The following GRID2 variants were observed in gnomAD, a reference collection of about 807,000 sequenced individuals.
GRID2 encodes the protein glutamate receptor ionotropic, delta-2.
A neutral mutation model predicts 114.8 loss-of-function variants in GRID2; 33 were observed. The ratio of observed to expected loss-of-function variants is 0.29; its 90% confidence interval spans 0.22 to 0.38. The LOEUF is 0.38. Ranked by LOEUF, GRID2 falls within the 10% of genes least tolerant of loss-of-function variation. The probability of loss-of-function intolerance (pLI) is 1.00; values close to 1 mark genes in which losing one functional copy is unlikely to be tolerated. For synonymous variants in GRID2, 505 were observed against 449.9 expected (o/e 1.12, Z -1.55); for missense variants, 1,184 against 1,257.7 (o/e 0.94, Z 0.89).
intron 14 of GRID2, among the ~76,000 whole-genome samples, chr4:93,727,708 G>A (rs1269896979): frequency 6.6e-6 from 1 of 152,158 alleles, no homozygotes; most frequent in African/African-American, 2.4e-5. Flanking sequence ...TCCTGGTTTA[G>A]TCTTGGGAGA....
intron 2 of GRID2, among the ~76,000 whole-genome samples, chr4:92,848,909 A>G (rs975377822): frequency 1.3e-5 from 2 of 151,902 alleles, no homozygotes; most frequent in African/African-American, 2.4e-5. Context: ...GACATCTGCA[A>G]GCCAAAGAGA....
At position 92,679,041 on chromosome 4, in the gene GRID2, A is replaced by G. The variant is rs116568043; in HGVS notation, c.244+88755A>G. ...CATGTGTCCCTTGGAAATTAATTAA[A>G]TATTAGCAGAAATAAATGTGATCAG... is the stretch of plus-strand genomic sequence containing the variant. On this transcript the variant is annotated intron_variant, in intron 2 of 15. Transcript: ENST00000282020. 5.0e-3 allele frequency among the ~76,000 whole-genome samples: 762 copies of G among 151,698 alleles called. 8 individuals are homozygous for G. Among genetic ancestry groups the G allele is most frequent in the African/African-American group, 0.017 (718 of 41,386 alleles).
At chr4:92,999,943 C>G (rs1315376756) in intron 2 of GRID2, among the ~76,000 whole-genome samples, 1 of 151,468 alleles carries the variant, frequency 6.6e-6, no homozygotes, top group Non-Finnish European at 1.5e-5. Flanking sequence ...CTATATTGGT[C>G]AAATAATATT....
At chr4:93,170,584 G>A (rs1228031398) in intron 4 of GRID2, among the ~76,000 whole-genome samples, 1 of 152,066 alleles carries the variant, frequency 6.6e-6, no homozygotes, top group Non-Finnish European at 1.5e-5. Flanking sequence ...TTTTGGTTTT[G>A]CATTTTGGGG....
chr4:93,726,558 C>G (rs1458229835), intron 14 of GRID2, among the ~76,000 whole-genome samples: 1 of 152,194 alleles, frequency 6.6e-6, no homozygotes, highest in African/African-American at 2.4e-5. Flanking sequence ...AGCATTGAAT[C>G]TATAAATTAC....
intron 14 of GRID2, among the ~76,000 whole-genome samples, chr4:93,728,427 A>AGGTGT (rs1222794104): frequency 2.0e-5 from 3 of 152,194 alleles, no homozygotes; most frequent in Admixed American, 2.0e-4. Flanking sequence ...ATTTTGGAAT[A>AGGTGT]GGTGTGGTGT....
intron 14 of GRID2, among the ~76,000 whole-genome samples, chr4:93,659,708 C>G (rs1030163537): frequency 2.0e-5 from 3 of 151,980 alleles, no homozygotes; most frequent in African/African-American, 7.3e-5. Context: ...GATTGCAGAC[C>G]CAAACATAGC....
At chr4:92,884,817 A>C (rs938322279) in intron 2 of GRID2, 7 of 331,776 alleles carry the variant, frequency 2.1e-5, no homozygotes, top group Non-Finnish European at 1.2e-5. Context: ...ATGTTGAATC[A>C]GAATGTAATG....
chr4:93,010,290 T>C (rs1304318160), intron 2 of GRID2, among the ~76,000 whole-genome samples: 1 of 152,092 alleles, frequency 6.6e-6, no homozygotes, highest in Non-Finnish European at 1.5e-5. Flanking sequence ...TATCAATCAT[T>C]AATATTTTTG....
intron 13 of GRID2, among the ~76,000 whole-genome samples, chr4:93,527,397 G>C (rs1237826487): frequency 1.3e-5 from 2 of 152,036 alleles, no homozygotes; most frequent in Non-Finnish European, 2.9e-5. Context: ...TGAATGTCTT[G>C]ATAGTGTTTG....
At chr4:92,783,742 C>T (rs528646003) in intron 2 of GRID2, among the ~76,000 whole-genome samples, 3 of 151,914 alleles carry the variant, frequency 2.0e-5, no homozygotes, top group South Asian at 2.1e-4. Context: ...AAAAATTAGC[C>T]GAGTGCCGTA....
intron 2 of GRID2, among the ~76,000 whole-genome samples, chr4:92,605,212 C>T (rs1413201340): frequency 1.3e-5 from 2 of 151,994 alleles, no homozygotes; most frequent in African/African-American, 4.8e-5. Context: ...CACCAGTGTA[C>T]ATTTTCTTTC....
intron 2 of GRID2, among the ~76,000 whole-genome samples, chr4:92,905,886 T>C (rs1255061023): frequency 6.6e-6 from 1 of 152,154 alleles, no homozygotes; most frequent in African/African-American, 2.4e-5. Flanking sequence ...GAATTTCTAA[T>C]TAATTTATTA....
intron 10 of GRID2, among the ~76,000 whole-genome samples, chr4:93,428,433 A>G (rs1769065284): frequency 1.3e-5 from 2 of 152,136 alleles, no homozygotes; most frequent in Non-Finnish European, 2.9e-5. Flanking sequence ...TCATTTTTAT[A>G]GACACTGAAT....
At chr4:93,081,964 A>G (rs1447851540) in intron 2 of GRID2, among the ~76,000 whole-genome samples, 1 of 152,166 alleles carries the variant, frequency 6.6e-6, no homozygotes, top group African/African-American at 2.4e-5. Context: ...GCCATGAGTT[A>G]TAGCCTATTT....
intron 4 of GRID2, among the ~76,000 whole-genome samples, chr4:93,140,965 A>G (rs1238024222): frequency 6.6e-6 from 1 of 152,182 alleles, no homozygotes; most frequent in Non-Finnish European, 1.5e-5. Flanking sequence ...TATCCATGTC[A>G]CATTTTGACA....
chr4:92,862,343 C>T (rs1307433130), intron 2 of GRID2, among the ~76,000 whole-genome samples: 12 of 152,010 alleles, frequency 7.9e-5, no homozygotes, highest in Non-Finnish European at 1.5e-4. Context: ...TTTACTATAA[C>T]GTGAAAATTC....
chr4:92,903,534 A>G (rs1747735981), intron 2 of GRID2, among the ~76,000 whole-genome samples: 1 of 151,950 alleles, frequency 6.6e-6, no homozygotes, highest in Non-Finnish European at 1.5e-5. Context: ...AATAAATTTC[A>G]AATGGTTAAA....
chr4:93,448,507 A>G (rs1190496778), intron 10 of GRID2, among the ~76,000 whole-genome samples: 1 of 151,988 alleles, frequency 6.6e-6, no homozygotes, highest in Non-Finnish European at 1.5e-5. Context: ...AACATTGACA[A>G]AAGTCAATCA....
Sources: allele counts gnomAD v4.1 joint callset (sites outside exome capture counted in the v4.1 genomes callset), GRCh38; gene constraint gnomAD v4.1.1; transcripts MANE v1.5; gene names NCBI Gene and HGNC (gene_info 2026-07-23, HGNC 2026-07-21).